RBFOX1: variants seen among roughly 807,000 people sequenced by gnomAD.
RBFOX1 encodes the protein RNA binding fox-1 homolog 1, also known as RNA binding protein fox-1 homolog 1.
A neutral mutation model predicts 57.7 loss-of-function variants in RBFOX1; 8 were observed. The observed-to-expected ratio is 0.14, with a 90% CI of 0.08 to 0.25. The LOEUF (loss-of-function observed/expected upper bound fraction) is 0.25, where lower values mean the gene tolerates loss of function less well. RBFOX1 is among the 10% of genes least tolerant of loss of function. RBFOX1 has a pLI of 1.00. For missense variants in RBFOX1, 611 were observed against 548.5 expected, an observed-to-expected ratio of 1.11 and a Z score of -1.14; for synonymous variants, 326 against 222.4, an observed-to-expected ratio of 1.47 and a Z score of -4.15.
At chr16:7,624,847 G>A (rs963769984) in intron 10 of RBFOX1, among the ~76,000 whole-genome samples, 2 of 152,160 alleles carry the variant, frequency 1.3e-5, no homozygotes, top group Admixed American at 6.5e-5. Flanking sequence ...TCTGATGACT[G>A]GAGAAATGCC....
At chr16:6,388,379 G>A (rs1422140907) in intron 2 of RBFOX1, among the ~76,000 whole-genome samples, 1 of 150,502 alleles carries the variant, frequency 6.6e-6, no homozygotes, top group East Asian at 1.9e-4. Flanking sequence ...CTCACAGAAA[G>A]TGTGAAGAAG....
At chr16:6,836,348 T>C (rs1397322245) in intron 3 of RBFOX1, among the ~76,000 whole-genome samples, 1 of 152,206 alleles carries the variant, frequency 6.6e-6, no homozygotes, top group Non-Finnish European at 1.5e-5. Context: ...GCTTTTGAAG[T>C]TAGAAACTGA....
intron 3 of RBFOX1, among the ~76,000 whole-genome samples, chr16:6,751,433 G>T (rs74760204): frequency 6.6e-6 from 1 of 152,214 alleles, no homozygotes; most frequent in East Asian, 1.9e-4. Context: ...GTATTCTTGG[G>T]GCATTTGTAC....
rs9923106 is a variant in RBFOX1 at position 7,273,208 on chromosome 16, T to C, written c.27+221110T>C. Reference sequence around the variant, plus strand: ...TTCCTCCCTTCCTTCCTCCCTCCCTTCCTTCCTTCCTTCCTTCCTTCCTTC... The same window carrying C: ...TTCCTCCCTTCCTTCCTCCCTCCCTCCCTTCCTTCCTTCCTTCCTTCCTTC... On this transcript the variant is annotated intron_variant, in intron 4 of 15. Coordinates refer to ENST00000550418, the MANE Select transcript of RBFOX1 (RefSeq NM_018723.4). Among the ~76,000 whole-genome samples, 301 of 75,798 alleles carry C rather than the reference T, an allele frequency of 4.0e-3. 2 individuals are homozygous for C. Among genetic ancestry groups the C allele is most frequent in the African/African-American group, 0.013 (228 of 17,096 alleles). 49.7% of individuals were successfully genotyped at this position (75,798 alleles called of 152,430 possible). A position where few individuals can be genotyped will look rare whatever the true frequency, so the allele number is the denominator to read the frequency against.
intron 2 of RBFOX1, among the ~76,000 whole-genome samples, chr16:6,625,090 G>T (rs549648984): frequency 2.2e-4 from 33 of 147,576 alleles, no homozygotes; most frequent in Admixed American, 2.1e-3. Context: ...TCTTTAACCT[G>T]GGAGGCAAAA....
At chr16:6,721,755 T>G (rs1162307515) in intron 3 of RBFOX1, 2 of 152,152 alleles carry the variant, frequency 1.3e-5, no homozygotes, top group Admixed American at 1.3e-4. Flanking sequence ...ATTAATTAAT[T>G]TTTTGACCCA....
chr16:6,111,844 C>G (rs189267452), intron 1 of RBFOX1, among the ~76,000 whole-genome samples: 5 of 152,296 alleles, frequency 3.3e-5, no homozygotes, highest in Non-Finnish European at 7.4e-5. Context: ...ACTCTCTCAT[C>G]TTCTTTTAAG....
intron 3 of RBFOX1, among the ~76,000 whole-genome samples, chr16:6,892,079 C>G (rs1035321829): frequency 6.6e-6 from 1 of 152,098 alleles, no homozygotes; most frequent in Non-Finnish European, 1.5e-5. Context: ...ACATAGATCC[C>G]ATTTCTTAGT....
chr16:7,248,629 C>T (rs369558028), intron 4 of RBFOX1, among the ~76,000 whole-genome samples: 4 of 152,056 alleles, frequency 2.6e-5, no homozygotes, highest in East Asian at 3.9e-4. Flanking sequence ...AGTTTTTGAC[C>T]TTCCTTTTTA....
At chr16:6,294,711 G>A (rs2077877212) in intron 1 of RBFOX1, among the ~76,000 whole-genome samples, 1 of 152,158 alleles carries the variant, frequency 6.6e-6, no homozygotes, top group South Asian at 2.1e-4. Context: ...TTGGCAATTG[G>A]CACATAAATA....
chr16:7,458,473 C>T (rs111852996), intron 4 of RBFOX1, among the ~76,000 whole-genome samples: 2 of 152,092 alleles, frequency 1.3e-5, no homozygotes, highest in Admixed American at 6.6e-5. Flanking sequence ...TGAGCCATGC[C>T]TCTCTAGCTG....
At chr16:7,472,362 A>G (rs1321398504) in intron 4 of RBFOX1, among the ~76,000 whole-genome samples, 1 of 151,982 alleles carries the variant, frequency 6.6e-6, no homozygotes, top group African/African-American at 2.4e-5. Context: ...TAAACTTTCC[A>G]TTAACAGTAA....
intron 2 of RBFOX1, among the ~76,000 whole-genome samples, chr16:6,564,535 T>G (rs926589130): frequency 6.6e-6 from 1 of 152,038 alleles, no homozygotes; most frequent in Admixed American, 6.6e-5. Flanking sequence ...CTAAGTGAGA[T>G]AAGCCAGGCA....
intron 3 of RBFOX1, among the ~76,000 whole-genome samples, chr16:6,855,583 G>A (rs571383544): frequency 1.3e-5 from 2 of 151,390 alleles, no homozygotes; most frequent in East Asian, 2.0e-4. Flanking sequence ...AACCCGAGAG[G>A]TGGAGCTTGC....
intron 4 of RBFOX1, among the ~76,000 whole-genome samples, chr16:5,977,537 A>G (rs1051354789): frequency 2.1e-4 from 32 of 152,288 alleles, no homozygotes; most frequent in African/African-American, 6.7e-4. Context: ...TTCGGTTTCC[A>G]TGGAAACCAG....
chr16:7,658,112 T>C (rs981703649), intron 12 of RBFOX1, among the ~76,000 whole-genome samples: 1 of 152,178 alleles, frequency 6.6e-6, no homozygotes, highest in Non-Finnish European at 1.5e-5. Context: ...GTCCATCTTA[T>C]GACATGCATT....
At chr16:6,829,893 T>G (rs2092576005) in intron 3 of RBFOX1, among the ~76,000 whole-genome samples, 1 of 152,090 alleles carries the variant, frequency 6.6e-6, no homozygotes, top group African/African-American at 2.4e-5. Context: ...TAAACCACCA[T>G]GCCCAGCCCT....
chr16:6,943,220 A>G (rs76586893), intron 3 of RBFOX1, among the ~76,000 whole-genome samples: 9,100 of 152,276 alleles, frequency 0.06, 761 homozygotes, highest in African/African-American at 0.19. Context: ...CTATAAGGTT[A>G]TAGAGCCCTC....
chr16:5,956,639 AATATATATATATATATATTTAT>A (rs2059644282), intron 4 of RBFOX1, among the ~76,000 whole-genome samples: 1 of 123,542 alleles, frequency 8.1e-6, no homozygotes, highest in Non-Finnish European at 1.6e-5. Flanking sequence ...GCAAAAAACA[AATATATATATATATATATTTAT>A]ATATATATAT....
Sources: gnomAD v4.1 joint callset for allele counts (sites outside exome capture counted in the v4.1 genomes callset) on GRCh38, gnomAD v4.1.1 for gene constraint, MANE v1.5 for transcripts, NCBI Gene and HGNC (gene_info 2026-07-23, HGNC 2026-07-21) for gene names.